The following TRIM68 variants were observed in gnomAD, a reference collection of about 807,000 sequenced individuals.
The protein encoded by TRIM68 is E3 ubiquitin-protein ligase TRIM68.
A neutral mutation model predicts 41.9 loss-of-function variants in TRIM68; 36 were observed. The observed-to-expected ratio is 0.86, with a 90% CI of 0.66 to 1.14. The LOEUF is 1.14. Ranked by LOEUF, TRIM68 falls within the 50% of genes most tolerant of loss-of-function variation. The pLI is 0.00. For missense variants in TRIM68, 632 were observed against 605.1 expected, an observed-to-expected ratio of 1.04 and a Z score of -0.47; for synonymous variants, 225 against 224.6, an observed-to-expected ratio of 1.00 and a Z score of -0.02.
At chr11:4,601,979 C>A (rs1009904117) in intron 4 of TRIM68, 173 bp downstream of exon 4, 1 of 987,444 alleles carries the variant, frequency 1.0e-6, no homozygotes, top group Admixed American at 2.3e-5. Context: ...CAGACCAGGT[C>A]ATCCACCAGC....
At chr11:4,602,559 A>T (rs1846510248) in intron 3 of TRIM68, 147 bp from the exon 4 acceptor site, 1 of 1,050,234 alleles carries the variant, frequency 9.5e-7, no homozygotes, top group Non-Finnish European at 1.3e-6. Context: ...TATTTTTCCT[A>T]GCTTCCTGTT....
chr11:4,600,868 A>G, intron 6 of TRIM68, 42 bp from the exon 7 acceptor site: 1 of 1,593,152 alleles, frequency 6.3e-7, no homozygotes, highest in South Asian at 1.1e-5. Context: ...ATATAGGGCC[A>G]GGGGACATGG....
intron 2 of TRIM68, among the ~76,000 whole-genome samples, chr11:4,604,403 A>T (rs939215930): frequency 6.6e-6 from 1 of 152,204 alleles, no homozygotes; most frequent in African/African-American, 2.4e-5. Flanking sequence ...GTTAGCTACA[A>T]AAAAGGAGTC....
chr11:4,607,124 G>A (rs1415765539), intron 1 of TRIM68, among the ~76,000 whole-genome samples: 1 of 152,126 alleles, frequency 6.6e-6, no homozygotes, highest in Non-Finnish European at 1.5e-5. Context: ...CAAACCCCTC[G>A]TCCATTCAAT....
Position 4,600,505 on chromosome 11 carries a change from T to C in TRIM68, c.1229A>G (p.Glu410Gly). The C allele has an allele frequency of 6.2e-7, 1 of 1,613,808 alleles. No individual in the cohort carries two copies. Among genetic ancestry groups the C allele is most frequent in the Non-Finnish European group, 8.5e-7 (1 of 1,179,862 alleles). Reference sequence around the variant, plus strand: ...GACCGGCAAGGACAGGATTGGGTACTCATCGGTGCCTGCTCGGTACTCATT... The same window carrying C: ...GACCGGCAAGGACAGGATTGGGTACCCATCGGTGCCTGCTCGGTACTCATT... Reference protein sequence around the residue: ...KGNEYRAGTDEYPILSLPVPP... With the variant: ...KGNEYRAGTDGYPILSLPVPP... Residue 410 changes from glutamate to glycine, a missense_variant, in exon 7 of 7, where the codon GAG becomes GGG. Glu to Gly is a moderately conservative substitution (Grantham distance 98). Coordinates refer to ENST00000300747, the MANE Select transcript of TRIM68 (RefSeq NM_018073.8).
At position 4,600,695 on chromosome 11, in the gene TRIM68, C is replaced by T. The variant is rs765249252; in HGVS notation, c.1039G>A (p.Val347Ile). 37 of 1,614,102 alleles carry T rather than the reference C, an allele frequency of 2.3e-5. 1 individual carries two copies. Among genetic ancestry groups the T allele is most frequent in the Middle Eastern group, 3.3e-4 (2 of 6,062 alleles). ...NPERFYRYNI[V>I]LGSQCISSGR... ...GAGGAGATGCACTGGCTTCCCAGGA[C>T]GATATTATAGCGGTAAAATCTCTCA... Residue 347 changes from valine (V) to isoleucine (I), a missense_variant, in exon 7 of 7, where the codon GTC (valine) becomes ATC (isoleucine). Val to Ile is a conservative substitution (Grantham distance 29). Coordinates refer to ENST00000300747, the MANE Select transcript of TRIM68 (RefSeq NM_018073.8).
intron 3 of TRIM68, 115 bp from the exon 4 acceptor site, chr11:4,602,527 CA>C: frequency 7.4e-7 from 1 of 1,358,274 alleles, no homozygotes; most frequent in South Asian, 1.4e-5. Flanking sequence ...ACAGGCTATG[CA>C]GGGGCAAAGA....
At chr11:4,602,906 A>T (rs774378053) in intron 3 of TRIM68, among the ~76,000 whole-genome samples, 2 of 152,236 alleles carry the variant, frequency 1.3e-5, no homozygotes, top group Non-Finnish European at 2.9e-5. Context: ...CTCTTAGCAA[A>T]TATTCTCTAA....
chr11:4,606,190 T>C (rs975057514), intron 1 of TRIM68, among the ~76,000 whole-genome samples: 2 of 152,254 alleles, frequency 1.3e-5, no homozygotes, highest in Admixed American at 1.3e-4. Flanking sequence ...GGTAGTCTTC[T>C]GAGCTTTTAG....
chr11:4,603,796 C>T (rs2231962), intron 2 of TRIM68, among the ~76,000 whole-genome samples: 37 of 152,152 alleles, frequency 2.4e-4, no homozygotes, highest in Non-Finnish European at 4.1e-4. Flanking sequence ...TTAGATGGAT[C>T]TCCCAGGTGG....
chr11:4,600,177 C>T lies in TRIM68; in HGVS notation c.*99G>A. On this transcript the variant is annotated 3_prime_UTR_variant, in exon 7 of 7. Coordinates refer to ENST00000300747, the MANE Select transcript of TRIM68 (RefSeq NM_018073.8). Reference sequence around the variant, plus strand: ...CAGAGGAATCCTTGGATACTGGGCTCAGCTCAGTTTCAGGGGATACCTGTC... The same window carrying T: ...CAGAGGAATCCTTGGATACTGGGCTTAGCTCAGTTTCAGGGGATACCTGTC... 1.6e-6 allele frequency: 2 copies of T among 1,220,788 alleles called. No homozygotes were observed. Among genetic ancestry groups the T allele is most frequent in the Non-Finnish European group, 2.3e-6 (2 of 881,500 alleles). The allele number at this position is 1,220,788 out of a possible 1,614,324, so 75.6% of individuals were successfully genotyped here.
rs1275242323 is a variant in TRIM68, at chr11:4,605,294, G to T, written c.211C>A (p.Pro71Thr). 6.2e-7 allele frequency: 1 copy of T among 1,614,226 alleles called. No homozygotes were observed. The highest frequency in any genetic ancestry group is 8.5e-7 in the Non-Finnish European group (1 of 1,180,042). ...ACAACATTGGCCAGCTGCCAATTAG[G>T]CCGCAGGTTCCTTGGCTGGACAGGA... ...RAPVQPRNLR[P>T]NWQLANVVEK... The change falls in exon 2 of 7, where the codon CCT (proline) becomes ACT (threonine). Residue 71 changes from proline (P) to threonine (T), a missense_variant. Physicochemically the swap from Pro to Thr is conservative, Grantham distance 38. Coordinates refer to ENST00000300747, the MANE Select transcript of TRIM68 (RefSeq NM_018073.8).
intron 4 of TRIM68, chr11:4,601,892 A>T: frequency 1.3e-6 from 1 of 765,786 alleles, no homozygotes; most frequent in Non-Finnish European, 2.1e-6. Context: ...GCTCCATCTC[A>T]AGACTCTCGG....
At chr11:4,607,820 G>T (rs938602853) in intron 1 of TRIM68, among the ~76,000 whole-genome samples, 20 of 152,206 alleles carry the variant, frequency 1.3e-4, no homozygotes, top group Non-Finnish European at 2.6e-4. Context: ...TCTGAGAAGG[G>T]CATTTGAGAA....
intron 2 of TRIM68, among the ~76,000 whole-genome samples, chr11:4,603,715 A>G (rs1341319411): frequency 6.6e-6 from 1 of 152,228 alleles, no homozygotes; most frequent in Admixed American, 6.5e-5. Flanking sequence ...CAGCATCCAC[A>G]TCACCTAGGA....
chr11:4,606,751 G>A (rs890814705), intron 1 of TRIM68, among the ~76,000 whole-genome samples: 3 of 152,196 alleles, frequency 2.0e-5, no homozygotes, highest in Non-Finnish European at 2.9e-5. Flanking sequence ...TTGGGGCTCT[G>A]CCATCTATCT....
chr11:4,598,675 G>C lies in TRIM68; in HGVS notation c.*1601C>G, dbSNP rs1445311392. The C allele has an allele frequency of 6.6e-6, 1 of 152,198 alleles. No homozygotes were observed. The highest frequency in any genetic ancestry group is 1.5e-5 in the Non-Finnish European group (1 of 68,048). 9.4% of individuals were successfully genotyped at this position (152,198 alleles called of 1,614,324 possible). On this transcript the variant is annotated 3_prime_UTR_variant, in exon 7 of 7. Transcript: ENST00000300747. ...TTCTCAAGAAGCAGTCTGGAAGCAT[G>C]GTGGACAGAATGCGTTTATTTCTCC...
At position 4,605,410 on chromosome 11, in the gene TRIM68, CCA is replaced by C; in HGVS notation, c.93_94del (p.Cys31TrpfsTer41). 1 of 1,614,200 alleles carries C rather than the reference CCA, an allele frequency of 6.2e-7. No homozygotes were observed. The highest frequency in any genetic ancestry group is 8.5e-7 in the Non-Finnish European group (1 of 1,180,044). On this transcript the variant is annotated frameshift_variant, in exon 2 of 7. Transcript: ENST00000300747. LOFTEE classifies it high-confidence loss of function. ...GAGACAGCTGTGGCAGAAGCTGTGGCCACAGTCAATGCTCATGGGCTCCCTCA... is the reference window on the plus strand; with the variant it reads ...GAGACAGCTGTGGCAGAAGCTGTGGCCAGTCAATGCTCATGGGCTCCCTCA...
chr11:4,606,901 T>C lies in TRIM68; in HGVS notation c.-58+1126A>G, dbSNP rs536928262. Among the ~76,000 whole-genome samples, 3 of 152,334 alleles carry C rather than the reference T, an allele frequency of 2.0e-5. No homozygotes were observed. In the South Asian group the frequency reaches 6.2e-4, roughly 32 times the overall value. ...ATCTTGCAGGACTCTGATATGCCAT[T>C]GGCAGGGCATGCCTTCTCACTAGAC... On this transcript the variant is annotated intron_variant, in intron 1 of 6. Coordinates refer to ENST00000300747, the MANE Select transcript of TRIM68 (RefSeq NM_018073.8).
Sources: allele counts gnomAD v4.1 joint callset (sites outside exome capture counted in the v4.1 genomes callset), GRCh38; gene constraint gnomAD v4.1.1; transcripts MANE v1.5; gene names NCBI Gene and HGNC (gene_info 2026-07-23, HGNC 2026-07-21).